The following IMPG2 variants were observed in gnomAD, a reference collection of about 807,000 sequenced individuals.
IMPG2 encodes interphotoreceptor matrix proteoglycan 2.
Under a neutral mutation model 129.2 loss-of-function variants are expected in IMPG2, and 91 were observed. That is an observed-to-expected ratio of 0.70 (90% CI 0.59 to 0.84). The LOEUF is 0.84. IMPG2 is among the 40% of genes least tolerant of loss of function. The pLI is 0.00. For missense variants in IMPG2, 1,430 were observed against 1,461.7 expected (o/e 0.98, Z 0.35); for synonymous variants, 510 against 517.7 (o/e 0.99, Z 0.20).
intron 9 of IMPG2, among the ~76,000 whole-genome samples, chr3:101,260,269 A>G (rs1301310825): frequency 6.6e-6 from 1 of 152,152 alleles, no homozygotes; most frequent in Non-Finnish European, 1.5e-5. Context: ...AGAGCTCTTA[A>G]AAGTAGTAAC....
intron 4 of IMPG2, among the ~76,000 whole-genome samples, chr3:101,289,349 C>G (rs1706980530): frequency 6.6e-6 from 1 of 152,000 alleles, no homozygotes; most frequent in Admixed American, 6.6e-5. Context: ...ACCTGGATTA[C>G]CTTGAGTTAT....
At chr3:101,282,461 C>A (rs1013234630) in intron 4 of IMPG2, among the ~76,000 whole-genome samples, 1 of 152,082 alleles carries the variant, frequency 6.6e-6, no homozygotes, top group Non-Finnish European at 1.5e-5. Context: ...ATTGTTATTT[C>A]TTTATATGCC....
In IMPG2 at chr3:101,313,870, GGTAA is replaced by G. The variant is rs550271053; in HGVS notation, c.334+5710_334+5713del. Among the ~76,000 whole-genome samples, 88 of 152,084 alleles carry G rather than the reference GGTAA, an allele frequency of 5.8e-4. No homozygotes were observed. In the South Asian group the frequency reaches 6.0e-3, roughly 10 times the overall value. ...TATACCCAAAAAAGCTACTAGAACTGGTAAGTGAGTTCAGCAAAGTTGCAGGATA... is the reference window on the plus strand; with the variant it reads ...TATACCCAAAAAAGCTACTAGAACTGGTGAGTTCAGCAAAGTTGCAGGATA... On this transcript the variant is annotated intron_variant, in intron 2 of 18. Transcript: ENST00000193391.
intron 14 of IMPG2, among the ~76,000 whole-genome samples, chr3:101,233,539 G>A (rs1706314047): frequency 6.6e-6 from 1 of 152,160 alleles, no homozygotes; most frequent in Admixed American, 6.5e-5. Flanking sequence ...GAAAATCAAT[G>A]TTAGGAAAAT....
Position 101,246,102 on chromosome 3 carries a change from T to C in IMPG2, c.1243A>G (p.Asn415Asp), listed in dbSNP as rs138834349. The C allele has an allele frequency of 1.4e-4, 225 of 1,613,576 alleles. No individual in the cohort carries two copies. Among genetic ancestry groups the C allele is most frequent in the Middle Eastern group, 1.7e-4 (1 of 5,996 alleles). Residue 415 changes from asparagine to aspartate, a missense_variant, in exon 12 of 19, where the codon AAT (asparagine) becomes GAT (aspartate). By Grantham distance (23) the Asn-to-Asp change is conservative. Coordinates refer to ENST00000193391, the MANE Select transcript of IMPG2 (RefSeq NM_016247.4). ...GAGGGCCATGCAGCTTGAAAGGTAT[T>C]ATCCTGGGGGGAAAAAAAGGCTAAA... ...LQATPSSILD[N>D]TFQAAWPSAD...
intron 9 of IMPG2, among the ~76,000 whole-genome samples, chr3:101,264,885 G>A (rs975753630): frequency 6.6e-6 from 1 of 151,662 alleles, no homozygotes; most frequent in Non-Finnish European, 1.5e-5. Context: ...AAAAAATCCA[G>A]TGGCATTCCT....
chr3:101,273,210 A>G (rs1425951041), intron 7 of IMPG2, among the ~76,000 whole-genome samples: 1 of 152,234 alleles, frequency 6.6e-6, no homozygotes, highest in East Asian at 1.9e-4. Flanking sequence ...TAAAGATGAA[A>G]TTAAAAGACA....
chr3:101,300,499 T>C (rs1228516137), intron 3 of IMPG2, among the ~76,000 whole-genome samples: 4 of 152,332 alleles, frequency 2.6e-5, no homozygotes, highest in African/African-American at 7.2e-5. Context: ...GGTTCTGTGG[T>C]TGGGACCCTA....
At chr3:101,252,432 T>C (rs1210495641) in intron 11 of IMPG2, among the ~76,000 whole-genome samples, 3 of 152,072 alleles carry the variant, frequency 2.0e-5, no homozygotes, top group African/African-American at 7.2e-5. Flanking sequence ...AGTGGCGCTG[T>C]CATCACTCCC....
chr3:101,233,280 G>A (rs1336491534), intron 14 of IMPG2, among the ~76,000 whole-genome samples: 1 of 152,180 alleles, frequency 6.6e-6, no homozygotes, highest in African/African-American at 2.4e-5. Context: ...AGAAATCCAT[G>A]CCATGTAATT....
intron 9 of IMPG2, among the ~76,000 whole-genome samples, chr3:101,259,571 G>T (rs917153158): frequency 1.3e-5 from 2 of 150,648 alleles, no homozygotes; most frequent in African/African-American, 4.9e-5. Flanking sequence ...CCTACTAGAT[G>T]AACAGAAATA....
At chr3:101,317,087 T>C (rs992343123) in intron 2 of IMPG2, among the ~76,000 whole-genome samples, 2 of 149,682 alleles carry the variant, frequency 1.3e-5, no homozygotes, top group Non-Finnish European at 3.0e-5. Context: ...GGAGAGGTAG[T>C]GAGGGAGGTG....
In IMPG2 at chr3:101,226,903, G is replaced by A; in HGVS notation, c.*66C>T. 6.7e-7 allele frequency: 1 copy of A among 1,500,470 alleles called. No individual in the cohort carries two copies. Among genetic ancestry groups the A allele is most frequent in the Non-Finnish European group, 9.3e-7 (1 of 1,078,482 alleles). The allele number at this position is 1,500,470 out of a possible 1,614,324, so 92.9% of individuals were successfully genotyped here. A position where few individuals can be genotyped will look rare whatever the true frequency, so the allele number is the denominator to read the frequency against. ...TGTTTAAAATCCAGGTTAATTATATGACATAAGTAACAAGTAATCTCCATC... is the reference window on the plus strand; with the variant it reads ...TGTTTAAAATCCAGGTTAATTATATAACATAAGTAACAAGTAATCTCCATC... On this transcript the variant is annotated 3_prime_UTR_variant, in exon 19 of 19. Coordinates refer to ENST00000193391, the MANE Select transcript of IMPG2 (RefSeq NM_016247.4).
At chr3:101,256,057 A>G (rs998338721) in intron 10 of IMPG2, among the ~76,000 whole-genome samples, 1 of 150,568 alleles carries the variant, frequency 6.6e-6, no homozygotes, top group Non-Finnish European at 1.5e-5. Context: ...GCCTCTCAAG[A>G]AAAAGAAAAA....
chr3:101,314,777 G>T (rs1403964571), intron 2 of IMPG2, among the ~76,000 whole-genome samples: 1 of 152,122 alleles, frequency 6.6e-6, no homozygotes, highest in African/African-American at 2.4e-5. Flanking sequence ...AAACATTCCT[G>T]AAAGAAACTG....
chr3:101,305,220 A>G (rs1249882853), intron 2 of IMPG2, among the ~76,000 whole-genome samples: 1 of 152,176 alleles, frequency 6.6e-6, no homozygotes, highest in African/African-American at 2.4e-5. Flanking sequence ...CACATTGCTA[A>G]GTAGAGGAAG....
intron 4 of IMPG2, among the ~76,000 whole-genome samples, chr3:101,288,546 T>C (rs1706971060): frequency 6.6e-6 from 1 of 152,178 alleles, no homozygotes; most frequent in Non-Finnish European, 1.5e-5. Flanking sequence ...TCATGTCCTT[T>C]GCAGCAACTT....
rs147950598 is a variant in IMPG2, at chr3:101,251,066, A to G, written c.1239+2630T>C. Among the ~76,000 whole-genome samples the G allele has an allele frequency of 3.4e-3, 523 of 152,276 alleles. 3 individuals carry two copies. Among genetic ancestry groups the G allele is most frequent in the Middle Eastern group, 0.017 (5 of 294 alleles). ...TAAAGCTACTCATATATTCTTGCAA[A>G]TTCCAAATGTACCTTAAAAAAAATT... On this transcript the variant is annotated intron_variant, in intron 11 of 18. Coordinates refer to ENST00000193391, the MANE Select transcript of IMPG2 (RefSeq NM_016247.4).
intron 15 of IMPG2, among the ~76,000 whole-genome samples, chr3:101,232,442 T>C (rs112237363): frequency 7.9e-5 from 12 of 152,128 alleles, no homozygotes; most frequent in African/African-American, 2.9e-4. Context: ...TTCGCCATGT[T>C]GGCCAGGATG....
Sources: allele counts gnomAD v4.1 joint callset (sites outside exome capture counted in the v4.1 genomes callset), GRCh38; gene constraint gnomAD v4.1.1; transcripts MANE v1.5; gene names NCBI Gene and HGNC (gene_info 2026-07-23, HGNC 2026-07-21).